The following DNAH3 variants were observed in gnomAD, a reference collection of about 807,000 sequenced individuals.
DNAH3 encodes the protein dynein axonemal heavy chain 3.
A neutral mutation model predicts 432.5 loss-of-function variants in DNAH3; 332 were observed. That is an observed-to-expected ratio of 0.77 (90% confidence interval 0.70 to 0.84). The LOEUF (loss-of-function observed/expected upper bound fraction) is 0.84. Ranked by LOEUF, DNAH3 falls within the 40% of genes least tolerant of loss-of-function variation. The pLI is 0.00. For synonymous variants in DNAH3, 1,956 were observed against 1,900.2 expected (o/e 1.03, Z -0.76); for missense variants, 4,861 against 5,114.0 (o/e 0.95, Z 1.51).
At chr16:20,969,763 T>C (rs1167339805) in intron 52 of DNAH3, 29 bp downstream of exon 52, 5 of 1,612,654 alleles carry the variant, frequency 3.1e-6, no homozygotes, top group African/African-American at 2.7e-5. Flanking sequence ...GAGCAGCCTG[T>C]GCAGGCATCT....
At chr16:21,084,222 CAAAT>C (rs1207411140) in intron 19 of DNAH3, among the ~76,000 whole-genome samples, 3 of 152,052 alleles carry the variant, frequency 2.0e-5, no homozygotes, top group Non-Finnish European at 4.4e-5. Flanking sequence ...TGTGAGAATC[CAAAT>C]AAAGTATACA....
chr16:21,023,713 G>A (rs774564129), intron 39 of DNAH3, among the ~76,000 whole-genome samples: 1 of 152,010 alleles, frequency 6.6e-6, no homozygotes, highest in Non-Finnish European at 1.5e-5. Context: ...CTGATAAGGA[G>A]TTAAACTTTG....
chr16:21,112,597 T>C (rs1019310386), intron 12 of DNAH3, among the ~76,000 whole-genome samples: 2 of 152,090 alleles, frequency 1.3e-5, no homozygotes, highest in Admixed American at 6.5e-5. Context: ...GCCCCCATGG[T>C]TCAATGACCT....
intron 7 of DNAH3, among the ~76,000 whole-genome samples, chr16:21,132,513 T>C (rs2092579823): frequency 6.6e-6 from 1 of 152,044 alleles, no homozygotes; most frequent in East Asian, 1.9e-4. Context: ...GATGCATAGA[T>C]AAAACAAATG....
At position 21,051,660 on chromosome 16, in the gene DNAH3, C is replaced by A. The variant is rs1481874898; in HGVS notation, c.4238+10G>T. On this transcript the variant is annotated intron_variant, in intron 29 of 61. Coordinates refer to ENST00000261383, the Ensembl canonical transcript of DNAH3. Reference sequence around the variant, plus strand: ...GTTCACCCCTCAGATCTAGGAGCTCCAGAGTGTACCTGTAGCAGCGGTCGG... The same window carrying A: ...GTTCACCCCTCAGATCTAGGAGCTCAAGAGTGTACCTGTAGCAGCGGTCGG... 6.2e-7 allele frequency: 1 copy of A among 1,612,600 alleles called. No individual in the cohort carries two copies. The highest frequency in any genetic ancestry group is 2.2e-5 in the East Asian group (1 of 44,876).
At chr16:20,935,025 C>T (rs572191125) in intron 61 of DNAH3, among the ~76,000 whole-genome samples, 4 of 152,184 alleles carry the variant, frequency 2.6e-5, no homozygotes, top group Admixed American at 6.6e-5. Flanking sequence ...CAAAGGACTA[C>T]CTAAGGGCAT....
chr16:20,987,862 G>C lies in DNAH3; in HGVS notation c.6726-13C>G, dbSNP rs769932817. ...CATCTTTCCGTACCTTGGGAGGAAA[G>C]GGATGGCACAGTAGTCAAGGAGGGG... On this transcript the variant is annotated splice_polypyrimidine_tract_variant and intron_variant, in intron 45 of 61. Transcript: ENST00000261383. 2 of 1,614,100 alleles carry C rather than the reference G, an allele frequency of 1.2e-6. No homozygotes were observed. Among genetic ancestry groups the C allele is most frequent in the African/African-American group, 1.3e-5 (1 of 75,012 alleles).
chr16:20,960,938 C>T (rs1054924966), intron 53 of DNAH3, among the ~76,000 whole-genome samples: 5 of 152,118 alleles, frequency 3.3e-5, no homozygotes, highest in South Asian at 2.1e-4. Flanking sequence ...TCCAGAATGG[C>T]GACCCCCACC....
intron 24 of DNAH3, among the ~76,000 whole-genome samples, chr16:21,064,506 C>T (rs907112728): frequency 6.6e-6 from 1 of 152,232 alleles, no homozygotes; most frequent in Non-Finnish European, 1.5e-5. Flanking sequence ...GCAAAGCAAA[C>T]GAATACACTG....
Position 20,935,332 on chromosome 16 carries a change from C to A in DNAH3, c.11997+16G>T, listed in dbSNP as rs780633398. On this transcript the variant is annotated intron_variant, in intron 61 of 61. Coordinates refer to ENST00000261383, the Ensembl canonical transcript of DNAH3. ...TGGTCAGCCCCTTGAGTGAGCCTAA[C>A]CCAAAGCACCCCTACCTCAAACTCA... is the stretch of plus-strand genomic sequence containing the variant. 1 of 1,613,838 alleles carries A rather than the reference C, an allele frequency of 6.2e-7. No individual in the cohort carries two copies. Among genetic ancestry groups the A allele is most frequent in the Non-Finnish European group, 8.5e-7 (1 of 1,179,950 alleles).
chr16:20,948,399 CT>C, intron 57 of DNAH3, 83 bp downstream of exon 57: 3 of 1,423,446 alleles, frequency 2.1e-6, no homozygotes, highest in Non-Finnish European at 2.9e-6. Flanking sequence ...CCTGGGATCC[CT>C]GGCTACACTG....
At chr16:20,971,367 G>A (rs904800801) in intron 51 of DNAH3, among the ~76,000 whole-genome samples, 1 of 152,072 alleles carries the variant, frequency 6.6e-6, no homozygotes, top group Non-Finnish European at 1.5e-5. Context: ...ATTCCATCTT[G>A]TGTCATTTCT....
chr16:21,064,480 G>A (rs2090472053), intron 24 of DNAH3, among the ~76,000 whole-genome samples: 1 of 152,108 alleles, frequency 6.6e-6, no homozygotes. Flanking sequence ...TAACTTTTGG[G>A]GTCATTTGTT....
At chr16:21,125,876 G>A (rs1440330021) in intron 8 of DNAH3, among the ~76,000 whole-genome samples, 1 of 152,200 alleles carries the variant, frequency 6.6e-6, no homozygotes, top group Non-Finnish European at 1.5e-5. Flanking sequence ...GCCAAGTGTG[G>A]TGGCTCATGC....
At chr16:20,972,971 C>T (rs1371226168) in intron 51 of DNAH3, among the ~76,000 whole-genome samples, 3 of 152,024 alleles carry the variant, frequency 2.0e-5, no homozygotes, top group Non-Finnish European at 4.4e-5. Context: ...TAAAGTGATG[C>T]ACCTGCCTCA....
At chr16:21,113,628 T>C (rs2092122617) in intron 12 of DNAH3, among the ~76,000 whole-genome samples, 1 of 152,064 alleles carries the variant, frequency 6.6e-6, no homozygotes, top group Non-Finnish European at 1.5e-5. Flanking sequence ...CCAACTAATT[T>C]TGGTATTTTT....
Position 20,936,625 on chromosome 16 carries a change from C to T in DNAH3, c.11859+24G>A, listed in dbSNP as rs374963198. The T allele has an allele frequency of 8.7e-5, 136 of 1,565,268 alleles. 2 individuals are homozygous for T. Among genetic ancestry groups the T allele is most frequent in the South Asian group, 8.6e-4 (74 of 85,738 alleles). On this transcript the variant is annotated intron_variant, in intron 60 of 61. Transcript: ENST00000261383. ...CACCTAAGCAAGCATGCCAGGTTCCCGGTTACCCCTGACTCCCAGGTACCT... is the reference window on the plus strand; with the variant it reads ...CACCTAAGCAAGCATGCCAGGTTCCTGGTTACCCCTGACTCCCAGGTACCT...
Position 20,987,367 on chromosome 16 carries a change from G to A in DNAH3, c.6964C>T (p.Gln2322Ter), listed in dbSNP as rs777949580. The change falls in exon 47 of 62, where the codon CAG (glutamine) becomes TAG (stop). Residue 2322 changes from glutamine to a stop codon, truncating the protein, a stop_gained. Coordinates refer to ENST00000261383, the Ensembl canonical transcript of DNAH3. LOFTEE classifies it high-confidence loss of function. ...TCCTTCACCATGTTGAAAAAGACCT[G>A]TCTGTCCTCCTTGTCAATCAGACGA... 1 of 1,614,184 alleles carries A rather than the reference G, an allele frequency of 6.2e-7. No individual in the cohort carries two copies. The highest frequency in any genetic ancestry group is 1.1e-5 in the South Asian group (1 of 91,084).
At chr16:20,992,781 T>C (rs2086611944) in intron 44 of DNAH3, among the ~76,000 whole-genome samples, 1 of 152,234 alleles carries the variant, frequency 6.6e-6, no homozygotes, top group African/African-American at 2.4e-5. Context: ...GGTCATTATT[T>C]CTTTAGATCT....
Sources: allele counts gnomAD v4.1 joint callset (sites outside exome capture counted in the v4.1 genomes callset), GRCh38; gene constraint gnomAD v4.1.1; transcripts MANE v1.5; gene names NCBI Gene and HGNC (gene_info 2026-07-23, HGNC 2026-07-21).